SORCS2: variants seen among roughly 807,000 people sequenced by gnomAD.
SORCS2 encodes the protein VPS10 domain-containing receptor SorCS2.
In SORCS2, 100 loss-of-function variants were observed where a neutral mutation model predicts 141.6. The ratio of observed to expected loss-of-function variants is 0.71; its 90% CI spans 0.60 to 0.83. The LOEUF (loss-of-function observed/expected upper bound fraction) is 0.83. Ranked by LOEUF, SORCS2 falls within the 40% of genes least tolerant of loss-of-function variation. The probability of loss-of-function intolerance (pLI) is 0.00; values close to 1 mark genes in which losing one functional copy is unlikely to be tolerated. For missense variants in SORCS2, 1,646 were observed against 1,560.2 expected, an observed-to-expected ratio of 1.05 and a Z score of -0.93; for synonymous variants, 789 against 676.9, an observed-to-expected ratio of 1.17 and a Z score of -2.57.
At chr4:7,669,872 G>T (rs552877605) in intron 8 of SORCS2, among the ~76,000 whole-genome samples, 1 of 152,346 alleles carries the variant, frequency 6.6e-6, no homozygotes, top group Non-Finnish European at 1.5e-5. Flanking sequence ...TTTCTTGAAT[G>T]ATGCGTGATA....
intron 3 of SORCS2, among the ~76,000 whole-genome samples, chr4:7,637,741 AT>A (rs1351926570): frequency 6.6e-6 from 1 of 152,076 alleles, no homozygotes; most frequent in Admixed American, 6.5e-5. Flanking sequence ...GCATGCATGA[AT>A]GGATGGCTAC....
chr4:7,357,165 T>G (rs926178262), intron 1 of SORCS2, among the ~76,000 whole-genome samples: 1 of 152,020 alleles, frequency 6.6e-6, no homozygotes. Flanking sequence ...TGACCTTGAG[T>G]GTACAGCTGG....
chr4:7,591,674 G>A (rs993206758), intron 3 of SORCS2, among the ~76,000 whole-genome samples: 1 of 152,344 alleles, frequency 6.6e-6, no homozygotes, highest in African/African-American at 2.4e-5. Context: ...GACGAGGGGG[G>A]TGTTAGCTCT....
At chr4:7,682,293 G>A (rs989377799) in intron 9 of SORCS2, among the ~76,000 whole-genome samples, 5 of 152,104 alleles carry the variant, frequency 3.3e-5, no homozygotes, top group South Asian at 2.1e-4. Flanking sequence ...CTGGGGGTCC[G>A]CAGAGGCAAG....
intron 1 of SORCS2, among the ~76,000 whole-genome samples, chr4:7,208,545 G>A (rs996350043): frequency 2.0e-5 from 3 of 152,322 alleles, no homozygotes; most frequent in Middle Eastern, 3.4e-3. Context: ...CCCGGCAGCC[G>A]CAGGCAAGGG....
intron 1 of SORCS2, among the ~76,000 whole-genome samples, chr4:7,378,993 T>C (rs12647103): frequency 0.06 from 9,132 of 152,250 alleles, 357 homozygotes; most frequent in East Asian, 0.15. Context: ...GCACCTTCAT[T>C]CTCGGGTAAT....
At chr4:7,268,762 A>T (rs1714917214) in intron 1 of SORCS2, among the ~76,000 whole-genome samples, 1 of 152,186 alleles carries the variant, frequency 6.6e-6, no homozygotes, top group African/African-American at 2.4e-5. Context: ...GGAGGAGGTG[A>T]TGCTGGAACT....
intron 3 of SORCS2, among the ~76,000 whole-genome samples, chr4:7,580,895 C>G (rs1190101975): frequency 2.0e-5 from 3 of 152,050 alleles, no homozygotes; most frequent in Non-Finnish European, 2.9e-5. Flanking sequence ...AGGCCTCCCC[C>G]AAATTATAAT....
chr4:7,442,364 G>C lies in SORCS2; in HGVS notation c.548+46009G>C, dbSNP rs181397259. On this transcript the variant is annotated intron_variant, in intron 2 of 26. Transcript: ENST00000507866. The stretch of plus-strand genomic sequence containing the variant: ...TCTACCCCCTCTCCCAGCCCAGGTC[G>C]TCATCCACCTCCTCTCACAGCCCAG... 5.4e-3 allele frequency among the ~76,000 whole-genome samples: 71 copies of C among 13,244 alleles called. 1 individual carries two copies. Among genetic ancestry groups the C allele is most frequent in the Middle Eastern group, 0.05 (1 of 20 alleles). The allele number at this position is 13,244 out of a possible 152,430, so 8.7% of individuals were successfully genotyped here. A position where few individuals can be genotyped will look rare whatever the true frequency, so the allele number is the denominator to read the frequency against.
In SORCS2 at chr4:7,723,465, C is replaced by G. The variant is rs189286801; in HGVS notation, c.2425-232C>G. 1.6e-3 allele frequency among the ~76,000 whole-genome samples: 241 copies of G among 152,264 alleles called. 3 individuals are homozygous for G. In the East Asian group the frequency reaches 0.021, roughly 13 times the overall value. ...CGCTGGGTGATTGTTCTGAAATATC[C>G]CTTGGCCACAGCCCCTAGTTAAACC... On this transcript the variant is annotated intron_variant, in intron 18 of 26. Coordinates refer to ENST00000507866, the MANE Select transcript of SORCS2 (RefSeq NM_020777.3).
chr4:7,395,542 T>C (rs538916348), intron 1 of SORCS2, among the ~76,000 whole-genome samples: 2 of 152,210 alleles, frequency 1.3e-5, no homozygotes, highest in Non-Finnish European at 2.9e-5. Context: ...CCCCCCAACT[T>C]TTTTTGTTTA....
At position 7,198,268 on chromosome 4, in the gene SORCS2, G is replaced by A. The variant is rs144612230; in HGVS notation, c.480+5142G>A. 2.8e-4 allele frequency among the ~76,000 whole-genome samples: 42 copies of A among 152,290 alleles called. 1 individual carries two copies. The East Asian group carries it at 7.1e-3, about 26-fold the overall frequency. On this transcript the variant is annotated intron_variant, in intron 1 of 26. Transcript: ENST00000507866. ...TGCTGGGCTTCTAGGCTCCAGGCCA[G>A]CCTCCAGAGTGCAGAGACCATGTGA... is the stretch of plus-strand genomic sequence containing the variant.
At chr4:7,737,224 G>GC in intron 26 of SORCS2, 52 bp downstream of exon 26, 1 of 1,547,118 alleles carries the variant, frequency 6.5e-7, no homozygotes, top group South Asian at 1.2e-5. Flanking sequence ...GGTAACGTCC[G>GC]CCCCAAACCC....
At chr4:7,433,741 G>T in intron 2 of SORCS2, 9 of 1,613,282 alleles carry the variant, frequency 5.6e-6, no homozygotes, top group Non-Finnish European at 7.6e-6. Flanking sequence ...CGGCACGATG[G>T]CATAGGCATC....
intron 2 of SORCS2, among the ~76,000 whole-genome samples, chr4:7,489,604 A>T (rs918194802): frequency 1.3e-5 from 2 of 152,068 alleles, no homozygotes; most frequent in Non-Finnish European, 2.9e-5. Context: ...CAGTGTTCTA[A>T]TGCAAACAAG....
At chr4:7,676,935 T>TGC (rs1389839377) in intron 9 of SORCS2, among the ~76,000 whole-genome samples, 1 of 70,286 alleles carries the variant, frequency 1.4e-5, no homozygotes, top group Non-Finnish European at 3.1e-5. Context: ...TCTCTCCCTC[T>TGC]CTCCCTCTCT....
chr4:7,193,014 T>C lies in SORCS2; in HGVS notation c.368T>C (p.Leu123Pro), dbSNP rs1213151831. 6.7e-7 allele frequency: 1 copy of C among 1,483,592 alleles called. No homozygotes were observed. Among genetic ancestry groups the C allele is most frequent in the East Asian group, 2.9e-5 (1 of 34,142 alleles). 91.9% of individuals were successfully genotyped at this position (1,483,592 alleles called of 1,614,324 possible). Residue 123 changes from leucine (L) to proline (P), a missense_variant, in exon 1 of 27, where the codon CTG (leucine) becomes CCG (proline). Physicochemically the swap from Leu to Pro is moderately conservative, Grantham distance 98. Coordinates refer to ENST00000507866, the MANE Select transcript of SORCS2 (RefSeq NM_020777.3). This position sits in a 1 kb window ranked among gnomAD's most constrained non-coding sequence, Gnocchi z 4.8. ...CGGCGCTGGGAGCGGGCGGCGCCGC[T>C]GGCCGGAGTGGCTTCGCGGGCGCAG... Reference protein sequence around the residue: ...GYRRWERAAPLAGVASRAQVS... With the variant: ...GYRRWERAAPPAGVASRAQVS...
chr4:7,640,080 A>AG (rs1382496692), intron 4 of SORCS2, among the ~76,000 whole-genome samples: 2 of 150,280 alleles, frequency 1.3e-5, no homozygotes, highest in Non-Finnish European at 3.0e-5. Context: ...AGTGTGAAAC[A>AG]GCATGTCAGT....
At chr4:7,436,418 C>T (rs995346413) in intron 2 of SORCS2, among the ~76,000 whole-genome samples, 1 of 152,254 alleles carries the variant, frequency 6.6e-6, no homozygotes, top group African/African-American at 2.4e-5. Flanking sequence ...AAGGGCCTGC[C>T]CCTTGGCGTG....
Sources: gnomAD v4.1 joint callset for allele counts (sites outside exome capture counted in the v4.1 genomes callset) on GRCh38, gnomAD v4.1.1 for gene constraint, Gnocchi (gnomAD v3.1) non-coding constraint, MANE v1.5 for transcripts, NCBI Gene and HGNC (gene_info 2026-07-23, HGNC 2026-07-21) for gene names.